COL25A1: variants seen among roughly 807,000 people sequenced by gnomAD.
COL25A1 encodes collagen type XXV alpha 1 chain.
COL25A1 carries 103 observed loss-of-function variants against 128.4 expected under a neutral mutation model. The ratio of observed to expected loss-of-function variants is 0.80; its 90% confidence interval spans 0.68 to 0.94. The LOEUF (loss-of-function observed/expected upper bound fraction) is 0.94. COL25A1 is among the 40% of genes least tolerant of loss of function. The probability of loss-of-function intolerance (pLI) is 0.00; values close to 1 mark genes in which losing one functional copy is unlikely to be tolerated. For synonymous variants in COL25A1, 279 were observed against 277.2 expected, an observed-to-expected ratio of 1.01 and a Z score of -0.06; for missense variants, 745 against 840.0, an observed-to-expected ratio of 0.89 and a Z score of 1.40.
chr4:108,837,720 G>A (rs1277613578), intron 31 of COL25A1, among the ~76,000 whole-genome samples: 2 of 152,054 alleles, frequency 1.3e-5, no homozygotes, highest in African/African-American at 4.8e-5. Flanking sequence ...TATCCAAGGA[G>A]AAAAAACAGT....
At chr4:109,161,312 C>T (rs1181589301) in intron 3 of COL25A1, among the ~76,000 whole-genome samples, 1 of 152,124 alleles carries the variant, frequency 6.6e-6, no homozygotes, top group African/African-American at 2.4e-5. Flanking sequence ...TATGGGACAG[C>T]CACACAAAAC....
At chr4:108,855,378 C>CT (rs71594153) in intron 24 of COL25A1, among the ~76,000 whole-genome samples, 113,094 of 149,586 alleles carry the variant, frequency 0.76, 43,077 homozygotes, top group South Asian at 0.86. Flanking sequence ...GGTAAAGCTA[C>CT]TTTTTTTTTG....
chr4:109,109,441 C>A, intron 3 of COL25A1, among the ~76,000 whole-genome samples: 1 of 152,110 alleles, frequency 6.6e-6, no homozygotes, highest in Admixed American at 6.6e-5. Context: ...CCATGTTGGC[C>A]AGGTTGGTCT....
intron 3 of COL25A1, among the ~76,000 whole-genome samples, chr4:109,085,080 T>G (rs2125999888): frequency 6.6e-6 from 1 of 152,330 alleles, no homozygotes; most frequent in Non-Finnish European, 1.5e-5. Context: ...CAAATGATCC[T>G]GGTTCTCATG....
At chr4:108,873,959 C>T (rs1409733955) in intron 19 of COL25A1, among the ~76,000 whole-genome samples, 4 of 151,782 alleles carry the variant, frequency 2.6e-5, no homozygotes, top group Admixed American at 6.6e-5. Flanking sequence ...AATTGATGTA[C>T]GGTTTAAAGG....
At chr4:109,159,979 C>T (rs1772399574) in intron 3 of COL25A1, among the ~76,000 whole-genome samples, 1 of 152,080 alleles carries the variant, frequency 6.6e-6, no homozygotes, top group Non-Finnish European at 1.5e-5. Context: ...ACAAATGACA[C>T]AAAATAAGTA....
chr4:109,023,916 G>A (rs530165041), intron 5 of COL25A1, among the ~76,000 whole-genome samples: 1 of 152,148 alleles, frequency 6.6e-6, no homozygotes, highest in Non-Finnish European at 1.5e-5. Context: ...TGATAACCCT[G>A]TTGCTGCAAG....
chr4:109,113,199 C>T (rs1767187947), intron 3 of COL25A1, among the ~76,000 whole-genome samples: 1 of 152,130 alleles, frequency 6.6e-6, no homozygotes, highest in Admixed American at 6.6e-5. Context: ...TGTCTCTCAA[C>T]AGCACAGGAA....
chr4:109,227,636 G>A (rs536709675), intron 3 of COL25A1, among the ~76,000 whole-genome samples: 14 of 149,536 alleles, frequency 9.4e-5, no homozygotes, highest in Non-Finnish European at 2.1e-4. Flanking sequence ...CCATTAAGTA[G>A]CCTCATACAC....
intron 3 of COL25A1, among the ~76,000 whole-genome samples, chr4:109,291,120 G>A (rs182941183): frequency 1.3e-5 from 2 of 152,246 alleles, no homozygotes; most frequent in African/African-American, 2.4e-5. Flanking sequence ...AAGTGACGAA[G>A]GTGCTTCACT....
At chr4:109,020,518 G>C (rs1226223602) in intron 5 of COL25A1, among the ~76,000 whole-genome samples, 19 of 80,390 alleles carry the variant, frequency 2.4e-4, no homozygotes, top group Non-Finnish European at 3.6e-4. Context: ...GGGGGGGGGG[G>C]GTTCAACATA....
intron 36 of COL25A1, 92 bp from the exon 37 acceptor site, chr4:108,817,527 C>A: frequency 8.1e-7 from 1 of 1,235,130 alleles, no homozygotes; most frequent in South Asian, 1.4e-5. Flanking sequence ...AAATAAATTT[C>A]TACCCATTAG....
At chr4:109,221,705 T>C (rs1231292197) in intron 3 of COL25A1, among the ~76,000 whole-genome samples, 1 of 152,186 alleles carries the variant, frequency 6.6e-6, no homozygotes, top group Non-Finnish European at 1.5e-5. Flanking sequence ...AGTGACCCAA[T>C]TTACACCTTC....
chr4:109,132,772 T>G lies in COL25A1; in HGVS notation c.368-82593A>C, dbSNP rs568883383. Among the ~76,000 whole-genome samples the G allele has an allele frequency of 3.9e-5, 6 of 152,236 alleles. No individual in the cohort carries two copies. In the South Asian group the frequency reaches 1.2e-3, roughly 32 times the overall value. ...GATAAAAGATTGGAAAGAATAATTT[T>G]CAAAGACACTTCTAATAATACAATT... On this transcript the variant is annotated intron_variant, in intron 3 of 37. Coordinates refer to ENST00000399132, the MANE Select transcript of COL25A1 (RefSeq NM_198721.4).
intron 27 of COL25A1, among the ~76,000 whole-genome samples, chr4:108,846,788 C>G (rs1563004): frequency 0.78 from 118,856 of 152,036 alleles, 47,068 homozygotes; most frequent in South Asian, 0.88. Context: ...TCACAGTGTT[C>G]TTATTTTGTT....
chr4:108,837,638 A>G (rs1156973497), intron 31 of COL25A1, among the ~76,000 whole-genome samples: 1 of 152,244 alleles, frequency 6.6e-6, no homozygotes. Flanking sequence ...GTAAGGAGCC[A>G]CAGCATTGAC....
intron 3 of COL25A1, among the ~76,000 whole-genome samples, chr4:109,151,316 G>A (rs1233367631): frequency 2.0e-5 from 3 of 152,044 alleles, no homozygotes; most frequent in Non-Finnish European, 4.4e-5. Context: ...AACCTCCTCA[G>A]ACTGCTGACC....
chr4:108,866,686 CA>C (rs1737965484), intron 20 of COL25A1, among the ~76,000 whole-genome samples: 1 of 152,216 alleles, frequency 6.6e-6, no homozygotes, highest in African/African-American at 2.4e-5. Context: ...ACTGTCTACA[CA>C]AGTGGAAGAA....
chr4:108,907,882 G>A (rs892119828), intron 13 of COL25A1, among the ~76,000 whole-genome samples: 6 of 152,126 alleles, frequency 3.9e-5, no homozygotes, highest in African/African-American at 1.4e-4. Context: ...GGTGTTAGAT[G>A]TACTGAACTT....
Sources: gnomAD v4.1 joint callset for allele counts (sites outside exome capture counted in the v4.1 genomes callset) on GRCh38, gnomAD v4.1.1 for gene constraint, MANE v1.5 for transcripts, NCBI Gene and HGNC (gene_info 2026-07-23, HGNC 2026-07-21) for gene names.